CLASP1: variants seen among roughly 807,000 people sequenced by gnomAD.
CLASP1 encodes the protein cytoplasmic linker associated protein 1, also known as CLIP-associating protein 1.
CLASP1 carries 38 observed loss-of-function variants against 192.3 expected under a neutral mutation model. That is an observed-to-expected ratio of 0.20 (90% CI 0.15 to 0.26). CLASP1 has a LOEUF of 0.26. Among genes scored for constraint, CLASP1 ranks in the 10% least tolerant of loss-of-function variants. The pLI, the probability that CLASP1 is intolerant of heterozygous loss-of-function variation, is 1.00. For synonymous variants in CLASP1, 691 were observed against 712.8 expected, an observed-to-expected ratio of 0.97 and a Z score of 0.49; for missense variants, 1,433 against 1,932.5, an observed-to-expected ratio of 0.74 and a Z score of 4.85.
chr2:121,466,396 T>C (rs1005543555), intron 9 of CLASP1, among the ~76,000 whole-genome samples: 1 of 152,126 alleles, frequency 6.6e-6, no homozygotes. Context: ...GATACCAATA[T>C]TCTAGGGCCG....
At chr2:121,363,230 T>C (rs2066746673) in exon 37 of CLASP1, 1 of 1,613,766 alleles carries the variant, frequency 6.2e-7, no homozygotes, top group Non-Finnish European at 8.5e-7. Flanking sequence ...CTCGGCGTAG[T>C]TTTTAAATCT....
chr2:121,493,144 CCCAAAATTTATA>C (rs2093390543), intron 8 of CLASP1, among the ~76,000 whole-genome samples: 3 of 152,072 alleles, frequency 2.0e-5, no homozygotes, highest in African/African-American at 7.2e-5. Context: ...AAAAAGTAAT[CCCAAAATTTATA>C]CGGAACCACA....
chr2:121,461,264 A>G (rs1442429651), intron 10 of CLASP1, 71 bp from the exon 11 acceptor site: 1 of 825,546 alleles, frequency 1.2e-6, no homozygotes, highest in Non-Finnish European at 1.9e-6. Flanking sequence ...TAATTACATG[A>G]AGTCAAGAAC....
At chr2:121,484,820 G>C (rs1432046124) in intron 8 of CLASP1, among the ~76,000 whole-genome samples, 1 of 152,196 alleles carries the variant, frequency 6.6e-6, no homozygotes, top group East Asian at 1.9e-4. Context: ...GAGCAGGCTA[G>C]TTGCCACCTG....
chr2:121,444,087 T>C (rs184738449), intron 19 of CLASP1, among the ~76,000 whole-genome samples: 36 of 152,340 alleles, frequency 2.4e-4, no homozygotes, highest in Non-Finnish European at 4.6e-4. Flanking sequence ...CTTAAAGCAT[T>C]TTCATGCATT....
At chr2:121,341,078 T>C in intron 39 of CLASP1, 131 bp from the exon 41 acceptor site, 1 of 672,348 alleles carries the variant, frequency 1.5e-6, no homozygotes, top group Non-Finnish European at 2.7e-6. Flanking sequence ...GAATTCATTA[T>C]AAAAACATGT....
At chr2:121,554,454 T>TAAAAAAAA (rs56965310) in intron 2 of CLASP1, among the ~76,000 whole-genome samples, 2 of 87,562 alleles carry the variant, frequency 2.3e-5, no homozygotes, top group African/African-American at 4.4e-5. Context: ...CTACAAAAAG[T>TAAAAAAAA]AAAAAAAAAA....
At chr2:121,622,013 A>G (rs1229769899) in intron 1 of CLASP1, among the ~76,000 whole-genome samples, 1 of 151,468 alleles carries the variant, frequency 6.6e-6, no homozygotes, top group Non-Finnish European at 1.5e-5. Flanking sequence ...ACGCTCAGCT[A>G]ATTTTTGTAT....
rs56219153 is a variant in CLASP1 at position 121,473,647 on chromosome 2, C to A, written c.713-3687G>T. ...AAGAAGCTGCATGCCCCAAGCAAGACACACACACAGAAAAGCATACGGAGG... is the reference window on the plus strand; with the variant it reads ...AAGAAGCTGCATGCCCCAAGCAAGAAACACACACAGAAAAGCATACGGAGG... On this transcript the variant is annotated intron_variant, in intron 8 of 39. Transcript: ENST00000263710. Among the ~76,000 whole-genome samples, 497 of 152,234 alleles carry A rather than the reference C, an allele frequency of 3.3e-3. 3 individuals are homozygous for A. The highest frequency in any genetic ancestry group is 0.012 in the African/African-American group (479 of 41,528).
At chr2:121,636,208 C>A (rs983364761) in intron 1 of CLASP1, among the ~76,000 whole-genome samples, 1 of 151,696 alleles carries the variant, frequency 6.6e-6, no homozygotes, top group East Asian at 1.9e-4. Context: ...ACAGTGCAGG[C>A]GCCTGTAATC....
chr2:121,398,282 G>C (rs1381252915), intron 29 of CLASP1, 40 bp downstream of exon 30: 2 of 1,424,908 alleles, frequency 1.4e-6, no homozygotes, highest in Admixed American at 3.9e-5. Flanking sequence ...AAACAAATGT[G>C]AGTTCCAGGG....
At chr2:121,470,738 AT>A in intron 8 of CLASP1, 1 of 410,220 alleles carries the variant, frequency 2.4e-6, no homozygotes, top group South Asian at 1.8e-5. Flanking sequence ...AAAGTTCTTG[AT>A]GTATAGTGCC....
chr2:121,489,499 G>C (rs2093176459), intron 8 of CLASP1, among the ~76,000 whole-genome samples: 1 of 152,218 alleles, frequency 6.6e-6, no homozygotes, highest in Non-Finnish European at 1.5e-5. Context: ...TTCAGTAGAA[G>C]AGTCTGGAAA....
chr2:121,593,234 T>C (rs940870288), intron 2 of CLASP1, among the ~76,000 whole-genome samples: 10 of 152,016 alleles, frequency 6.6e-5, no homozygotes, highest in Non-Finnish European at 8.8e-5. Context: ...CAACGTCAAA[T>C]TGACGAACTA....
At chr2:121,488,130 G>A (rs2093090863) in intron 8 of CLASP1, among the ~76,000 whole-genome samples, 1 of 152,158 alleles carries the variant, frequency 6.6e-6, no homozygotes, top group Non-Finnish European at 1.5e-5. Context: ...TAGTGTTAGT[G>A]ACCAAGATCT....
At chr2:121,403,435 AG>A in intron 26 of CLASP1, 1 of 456,668 alleles carries the variant, frequency 2.2e-6, no homozygotes, top group Non-Finnish European at 4.4e-6. Flanking sequence ...AGGAAAAGAA[AG>A]AAGATGATGA....
chr2:121,380,299 A>G (rs1005120921), intron 33 of CLASP1, among the ~76,000 whole-genome samples: 1 of 152,188 alleles, frequency 6.6e-6, no homozygotes, highest in African/African-American at 2.4e-5. Context: ...GGAAACCTCA[A>G]TCTGCCATCT....
intron 16 of CLASP1, among the ~76,000 whole-genome samples, chr2:121,449,453 C>A (rs960567354): frequency 6.6e-6 from 1 of 152,106 alleles, no homozygotes; most frequent in Non-Finnish European, 1.5e-5. Context: ...AGGATAGGCT[C>A]ATTAAAATGG....
intron 1 of CLASP1, among the ~76,000 whole-genome samples, chr2:121,609,554 G>A (rs980521539): frequency 4.6e-5 from 7 of 151,982 alleles, no homozygotes; most frequent in Non-Finnish European, 1.0e-4. Context: ...TATTTTCAGG[G>A]AATATTAATC....
Sources: allele counts gnomAD v4.1 joint callset (sites outside exome capture counted in the v4.1 genomes callset), GRCh38; gene constraint gnomAD v4.1.1; transcripts MANE v1.5; gene names NCBI Gene and HGNC (gene_info 2026-07-23, HGNC 2026-07-21).